Variants in SYNE2 observed in about 807,000 individuals in gnomAD.
SYNE2 encodes the protein spectrin repeat containing nuclear envelope protein 2.
A neutral mutation model predicts 856.3 loss-of-function variants in SYNE2; 431 were observed. The observed-to-expected ratio is 0.50, with a 90% confidence interval of 0.47 to 0.55. SYNE2 has a LOEUF of 0.55. Ranked by LOEUF, SYNE2 falls within the 20% of genes least tolerant of loss-of-function variation. The pLI is 0.00. For synonymous variants in SYNE2, 2,923 were observed against 2,872.3 expected, an observed-to-expected ratio of 1.02 and a Z score of -0.56; for missense variants, 8,129 against 8,023.2, an observed-to-expected ratio of 1.01 and a Z score of -0.50.
At chr14:64,191,095 G>A (rs1381430314) in intron 99 of SYNE2, 2 of 672,648 alleles carry the variant, frequency 3.0e-6, no homozygotes, top group Admixed American at 4.1e-5. Context: ...CCTATAAGGT[G>A]AATAAAGAAT....
At chr14:64,065,016 C>T (rs1463746895) in intron 50 of SYNE2, among the ~76,000 whole-genome samples, 2 of 152,008 alleles carry the variant, frequency 1.3e-5, no homozygotes, top group Admixed American at 6.6e-5. Flanking sequence ...AGGCGCATGC[C>T]ACCACGCCCA....
chr14:63,818,851 A>T (rs1401442704), intron 1 of SYNE2, among the ~76,000 whole-genome samples: 2 of 151,900 alleles, frequency 1.3e-5, no homozygotes, highest in Non-Finnish European at 2.9e-5. Flanking sequence ...GGCACCCGCC[A>T]CCATGCCCAG....
At chr14:64,092,082 G>A (rs1785316672) in intron 60 of SYNE2, among the ~76,000 whole-genome samples, 2 of 152,024 alleles carry the variant, frequency 1.3e-5, no homozygotes, top group Non-Finnish European at 1.5e-5. Context: ...AGCACTCAAT[G>A]TACTACCTTG....
intron 46 of SYNE2, 39 bp from the exon 47 acceptor site, chr14:64,049,572 G>A (rs769039055): frequency 2.4e-5 from 38 of 1,604,624 alleles, no homozygotes; most frequent in Non-Finnish European, 3.2e-5. Context: ...GCATAAATAA[G>A]TGAGTGTTTA....
intron 85 of SYNE2, among the ~76,000 whole-genome samples, chr14:64,157,523 C>G (rs1363697446): frequency 6.6e-6 from 1 of 152,172 alleles, no homozygotes; most frequent in Non-Finnish European, 1.5e-5. Flanking sequence ...TTTTTAGGCT[C>G]TCATGAATCG....
intron 1 of SYNE2, among the ~76,000 whole-genome samples, chr14:63,772,470 G>A (rs888767130): frequency 5.3e-5 from 8 of 152,086 alleles, no homozygotes; most frequent in South Asian, 2.1e-4. Context: ...TAGGTCAGGC[G>A]CGGTGACTCA....
intron 1 of SYNE2, among the ~76,000 whole-genome samples, chr14:63,820,053 C>T (rs1446063748): frequency 6.7e-6 from 1 of 150,184 alleles, no homozygotes; most frequent in Non-Finnish European, 1.5e-5. Context: ...AAATCATGAG[C>T]CAAAAAAAGA....
At chr14:63,955,568 A>T (rs745681846) in intron 8 of SYNE2, among the ~76,000 whole-genome samples, 1 of 152,196 alleles carries the variant, frequency 6.6e-6, no homozygotes, top group Non-Finnish European at 1.5e-5. Context: ...ATAGAGGTAT[A>T]TGGGATTAGT....
chr14:64,165,489 A>G (rs1185955017), intron 90 of SYNE2, 79 bp downstream of exon 90: 1 of 1,477,730 alleles, frequency 6.8e-7, no homozygotes, highest in Non-Finnish European at 9.4e-7. Flanking sequence ...CTGTGAACTT[A>G]TGGAATGCTT....
At chr14:64,120,606 A>G (rs1362420354) in intron 67 of SYNE2, among the ~76,000 whole-genome samples, 1 of 152,120 alleles carries the variant, frequency 6.6e-6, no homozygotes, top group Non-Finnish European at 1.5e-5. Context: ...TCCACTAAAA[A>G]TACAAAAATT....
intron 1 of SYNE2, among the ~76,000 whole-genome samples, chr14:63,907,859 T>A (rs2095426899): frequency 6.6e-6 from 1 of 152,190 alleles, no homozygotes; most frequent in Non-Finnish European, 1.5e-5. Flanking sequence ...ATAGCAACTC[T>A]TTTACCTCAG....
At chr14:63,860,897 C>G (rs946062153) in intron 1 of SYNE2, among the ~76,000 whole-genome samples, 15 of 152,110 alleles carry the variant, frequency 9.9e-5, no homozygotes, top group African/African-American at 3.6e-4. Context: ...GAAACATGAG[C>G]AGGGCAAAGC....
At chr14:63,818,977 C>T (rs1361268344) in intron 1 of SYNE2, among the ~76,000 whole-genome samples, 2 of 151,472 alleles carry the variant, frequency 1.3e-5, no homozygotes, top group African/African-American at 2.4e-5. Context: ...GGATTACAGG[C>T]GTGAGCCACT....
chr14:64,062,567 T>A (rs2097325716), intron 49 of SYNE2, among the ~76,000 whole-genome samples, 184 bp from the exon 50 acceptor site: 1 of 152,186 alleles, frequency 6.6e-6, no homozygotes, highest in African/African-American at 2.4e-5. Flanking sequence ...TTTAAACCCA[T>A]ATGCAGGTCC....
intron 35 of SYNE2, among the ~76,000 whole-genome samples, chr14:64,020,812 A>G (rs1321533978): frequency 1.3e-5 from 2 of 152,210 alleles, no homozygotes; most frequent in Non-Finnish European, 2.9e-5. Context: ...GTGGTTGAAT[A>G]TGAGTGCTGG....
rs60764532 is a variant in SYNE2, at chr14:63,996,347, C to T, written c.2941-600C>T. Among the ~76,000 whole-genome samples the T allele has an allele frequency of 5.7e-3, 872 of 152,266 alleles. 15 individuals are homozygous for T. Among genetic ancestry groups the T allele is most frequent in the African/African-American group, 0.02 (844 of 41,556 alleles). ...ATGATGGTTGCTTCATCTCATCTTCCGTACCAGCACCAGAGTTGTCCTTTT... is the reference window on the plus strand; with the variant it reads ...ATGATGGTTGCTTCATCTCATCTTCTGTACCAGCACCAGAGTTGTCCTTTT... On this transcript the variant is annotated intron_variant, in intron 23 of 115. Coordinates refer to ENST00000555002, the MANE Select transcript of SYNE2 (RefSeq NM_182914.3).
In SYNE2 at chr14:64,121,198, T is replaced by C; in HGVS notation, c.13158+137T>C. On this transcript the variant is annotated intron_variant, in intron 68 of 115. Transcript: ENST00000555002. ...TGTGGCCAGGTGTTCGAGGCCAGCCTGGGCAACATAGCGAGACCCTGTTTC... is the reference window on the plus strand; with the variant it reads ...TGTGGCCAGGTGTTCGAGGCCAGCCCGGGCAACATAGCGAGACCCTGTTTC... The C allele has an allele frequency of 2.4e-6, 3 of 1,233,100 alleles. No individual in the cohort carries two copies. In the South Asian group the frequency reaches 3.8e-5, roughly 16 times the overall value. The allele number at this position is 1,233,100 out of a possible 1,614,324, so 76.4% of individuals were successfully genotyped here.
chr14:64,034,384 T>C (rs1478251780), intron 45 of SYNE2: 1 of 410,906 alleles, frequency 2.4e-6, no homozygotes, highest in Non-Finnish European at 4.3e-6. Context: ...CACATGCCTT[T>C]TTGGAATCCA....
rs755990889 is a variant in SYNE2 at position 64,209,472 on chromosome 14, A to G, written c.18434A>G (p.Tyr6145Cys). The change falls in exon 102 of 116, where the codon TAT (tyrosine) becomes TGT (cysteine). Residue 6145 changes from tyrosine (Y) to cysteine (C), a missense_variant. Around this residue, in one of 3 missense-constraint regions of SYNE2, gnomAD observed 5,410 missense variants for 5,284.8 expected, o/e 1.02. Transcript: ENST00000555002. ...WRLWQKFLDD[Y>C]SRFEDWLKSA... The stretch of plus-strand genomic sequence containing the variant: ...CTGTGGCAGAAGTTTTTAGACGACT[A>G]TTCTCGCTTTGAGGACTGGCTCAAG... The G allele has an allele frequency of 2.6e-5, 42 of 1,614,132 alleles. No homozygotes were observed. Among genetic ancestry groups the G allele is most frequent in the African/African-American group, 4.0e-5 (3 of 74,954 alleles).
Sources: gnomAD v4.1 joint callset for allele counts (sites outside exome capture counted in the v4.1 genomes callset) on GRCh38, gnomAD v4.1.1 for gene constraint, gnomAD v4.1.1 regional missense constraint, MANE v1.5 for transcripts, NCBI Gene and HGNC (gene_info 2026-07-23, HGNC 2026-07-21) for gene names.